TTBK1: variants seen among roughly 807,000 people sequenced by gnomAD.
TTBK1 encodes tau-tubulin kinase 1.
A neutral mutation model predicts 108.5 loss-of-function variants in TTBK1; 34 were observed. The observed-to-expected ratio is 0.31, with a 90% CI of 0.24 to 0.42. The LOEUF is 0.42. Among genes scored for constraint, TTBK1 ranks in the 10% least tolerant of loss-of-function variants. TTBK1 has a pLI of 1.00. For synonymous variants in TTBK1, 809 were observed against 795.1 expected (o/e 1.02, Z -0.29); for missense variants, 1,539 against 1,826.0 (o/e 0.84, Z 2.86).
Position 43,256,643 on chromosome 6 carries a change from G to A in TTBK1, c.861+787G>A, listed in dbSNP as rs559433112. 5.9e-5 allele frequency among the ~76,000 whole-genome samples: 9 copies of A among 152,290 alleles called. No homozygotes were observed. In the South Asian group the frequency reaches 1.9e-3, roughly 32 times the overall value. On this transcript the variant is annotated intron_variant, in intron 9 of 14. Transcript: ENST00000259750. ...AATCCCAGCTACTCAGTAGGCTAAAGTGTAAGAATCGCTTGAACTTGGGAG... is the reference window on the plus strand; with the variant it reads ...AATCCCAGCTACTCAGTAGGCTAAAATGTAAGAATCGCTTGAACTTGGGAG...
intron 2 of TTBK1, among the ~76,000 whole-genome samples, chr6:43,250,348 C>CTT (rs555371314): frequency 2.4e-3 from 210 of 89,080 alleles, no homozygotes; most frequent in African/African-American, 5.9e-3. Context: ...CCTGGCTTTG[C>CTT]TTTTTTTTTT....
chr6:43,246,481 C>G (rs563710497), intron 1 of TTBK1, 126 bp from the exon 2 acceptor site: 101 of 533,894 alleles, frequency 1.9e-4, no homozygotes, highest in Non-Finnish European at 3.3e-4. Flanking sequence ...CCCCTGGTAA[C>G]TCCTGGAGCA....
In TTBK1 at chr6:43,269,923, T is replaced by C; in HGVS notation, c.1986+6573T>C. ...ATCTCGCGGTCCCAGCTGCAGCAGG[T>C]GTGGGCCCGGTTCACCCACAAGACC... On this transcript the variant is annotated intron_variant, in intron 13 of 14. Transcript: ENST00000259750. The surrounding 1 kb of genome is among the most constrained non-coding windows in gnomAD (Gnocchi z 4.8). The C allele has an allele frequency of 6.7e-7, 1 of 1,485,538 alleles. No individual in the cohort carries two copies. The highest frequency in any genetic ancestry group is 1.4e-5 in the African/African-American group (1 of 71,062). The allele number at this position is 1,485,538 out of a possible 1,614,324, so 92.0% of individuals were successfully genotyped here.
At position 43,269,864 on chromosome 6, in the gene TTBK1, T is replaced by G. The variant is rs1777779362; in HGVS notation, c.1986+6514T>G. On this transcript the variant is annotated intron_variant, in intron 13 of 14. Transcript: ENST00000259750. The surrounding 1 kb of genome is among the most constrained non-coding windows in gnomAD (Gnocchi z 4.8). ...ACCGGCGCCACGCGCCCCTCGCTGC[T>G]GGCAACCACAGACTCATGCCCTCGG... 1 of 1,533,488 alleles carries G rather than the reference T, an allele frequency of 6.5e-7. No homozygotes were observed. Among genetic ancestry groups the G allele is most frequent in the Non-Finnish European group, 8.7e-7 (1 of 1,145,346 alleles). The allele number at this position is 1,533,488 out of a possible 1,614,324, so 95.0% of individuals were successfully genotyped here. A position where few individuals can be genotyped will look rare whatever the true frequency, so the allele number is the denominator to read the frequency against.
chr6:43,260,840 G>GTCTGGATGGGCTCCA (rs1274536405), intron 12 of TTBK1, among the ~76,000 whole-genome samples: 1 of 151,998 alleles, frequency 6.6e-6, no homozygotes, highest in Admixed American at 6.6e-5. Flanking sequence ...GGGGCACTCG[G>GTCTGGATGGGCTCCA]GAGCAGGAGA....
chr6:43,243,508 T>TGCC lies in TTBK1; in HGVS notation c.-247_-245dup, dbSNP rs1459985777. Among the ~76,000 whole-genome samples, 2 of 151,962 alleles carry TGCC rather than the reference T, an allele frequency of 1.3e-5. No homozygotes were observed. Among genetic ancestry groups the TGCC allele is most frequent in the East Asian group, 1.9e-4 (1 of 5,182 alleles). ...TGTGGGCAGCTCCCCGCTCTGCCGC[T>TGCC]GCCGCCGCCGTCGCCCAAGGAGGAT... On this transcript the variant is annotated 5_prime_UTR_variant, in exon 1 of 15. Coordinates refer to ENST00000259750, the MANE Select transcript of TTBK1 (RefSeq NM_032538.3). This position sits in a 1 kb window ranked among gnomAD's most constrained non-coding sequence, Gnocchi z 5.5.
In TTBK1 at chr6:43,283,302, C is replaced by T. The variant is rs758100943; in HGVS notation, c.2562C>T (p.Ala854=). ...MKKSPVTAEL[A]PDPDLGTLAA... Reference sequence around the variant, plus strand: ...AGTCGCCCGTCACTGCCGAACTGGCCCCCGACCCCGACCTGGGCACCCTGG... The same window carrying T: ...AGTCGCCCGTCACTGCCGAACTGGCTCCCGACCCCGACCTGGGCACCCTGG... The change falls in exon 14 of 15, where the codon GCC becomes GCT. Residue 854 remains alanine (A), a synonymous_variant. Coordinates refer to ENST00000259750, the MANE Select transcript of TTBK1 (RefSeq NM_032538.3). This position sits in a 1 kb window ranked among gnomAD's most constrained non-coding sequence, Gnocchi z 8.1. 3.7e-5 allele frequency: 59 copies of T among 1,574,654 alleles called. 1 individual carries two copies. Among genetic ancestry groups the T allele is most frequent in the Non-Finnish European group, 4.7e-5 (55 of 1,160,216 alleles).
At position 43,254,987 on chromosome 6, in the gene TTBK1, G is replaced by A. The variant is rs1777346582; in HGVS notation, c.577-62G>A. ...GTGAAGAGTTAGACTTGGTGGCAGG[G>A]TTGAGAGGTGGCTGAGGTGAGGGCA... On this transcript the variant is annotated intron_variant, in intron 6 of 14. Transcript: ENST00000259750. 3.3e-6 allele frequency: 5 copies of A among 1,513,318 alleles called. No individual in the cohort carries two copies. In the African/African-American group the frequency reaches 6.9e-5, roughly 21 times the overall value. 93.7% of individuals were successfully genotyped at this position (1,513,318 alleles called of 1,614,324 possible).
intron 13 of TTBK1, among the ~76,000 whole-genome samples, chr6:43,281,615 C>G (rs939903719): frequency 6.6e-6 from 1 of 152,102 alleles, no homozygotes; most frequent in African/African-American, 2.4e-5. Flanking sequence ...AAGAAGGATG[C>G]TTGGCAGGAC....
intron 13 of TTBK1, among the ~76,000 whole-genome samples, chr6:43,278,411 G>C (rs1293721706): frequency 6.6e-6 from 1 of 152,172 alleles, no homozygotes. Context: ...TCTCCCCACA[G>C]CCGAACCCTT....
rs773560037 is a variant in TTBK1 at position 43,246,630 on chromosome 6, C to T, written c.-31C>T. The T allele has an allele frequency of 1.3e-5, 21 of 1,565,190 alleles. No homozygotes were observed. Among genetic ancestry groups the T allele is most frequent in the East Asian group, 4.5e-5 (2 of 44,132 alleles). ...AGGTAGATGGCCCCCTCAGGGCAGGCCCGGCGGACACCCCTCCCTCTGGCT... is the reference window on the plus strand; with the variant it reads ...AGGTAGATGGCCCCCTCAGGGCAGGTCCGGCGGACACCCCTCCCTCTGGCT... On this transcript the variant is annotated 5_prime_UTR_variant, in exon 2 of 15. Coordinates refer to ENST00000259750, the MANE Select transcript of TTBK1 (RefSeq NM_032538.3).
Position 43,283,094 on chromosome 6 carries a change from G to T in TTBK1, c.2354G>T (p.Arg785Leu), listed in dbSNP as rs564104199. The change falls in exon 14 of 15, where the codon CGT becomes CTT. Residue 785 changes from arginine to leucine, a missense_variant. By Grantham distance (102) the Arg-to-Leu change is moderately radical. This residue lies in a region of TTBK1 where 1,055 missense variants were observed against 1,086.5 expected (regional missense o/e 0.97). Transcript: ENST00000259750. The surrounding 1 kb of genome is among the most constrained non-coding windows in gnomAD (Gnocchi z 8.1). The stretch of plus-strand genomic sequence containing the variant: ...GCCTTGGGGGAGGTGCTGGGGCCTC[G>T]TAGTGGCTCCAGCAGTGAGGGGAGT... ...AVALGEVLGPRSGSSSEGSER... is the reference protein window; with the variant it reads ...AVALGEVLGPLSGSSSEGSER... The T allele has an allele frequency of 6.3e-7, 1 of 1,583,774 alleles. No homozygotes were observed. Among genetic ancestry groups the T allele is most frequent in the Admixed American group, 1.8e-5 (1 of 54,914 alleles).
rs149140901 is a variant in TTBK1, at chr6:43,276,953, TG to T, written c.1987-5772del. ...AACGGGTGGGGAGGGAAGGGGTGAG[TG>T]GACTCTGGTCTCTGGGACTCAGCTC... On this transcript the variant is annotated intron_variant, in intron 13 of 14. Coordinates refer to ENST00000259750, the MANE Select transcript of TTBK1 (RefSeq NM_032538.3). This position sits in a 1 kb window ranked among gnomAD's most constrained non-coding sequence, Gnocchi z 5.4. 6.6e-3 allele frequency among the ~76,000 whole-genome samples: 998 copies of T among 151,938 alleles called. 16 individuals are homozygous for T. The highest frequency in any genetic ancestry group is 0.023 in the African/African-American group (937 of 41,430).
In TTBK1 at chr6:43,283,088, G is replaced by A; in HGVS notation, c.2348G>A (p.Gly783Glu). The A allele has an allele frequency of 1.9e-6, 3 of 1,585,368 alleles. No homozygotes were observed. Among genetic ancestry groups the A allele is most frequent in the African/African-American group, 1.3e-5 (1 of 74,452 alleles). ...GCAGTTGCCTTGGGGGAGGTGCTGG[G>A]GCCTCGTAGTGGCTCCAGCAGTGAG... The part of the protein sequence containing the change: ...AAAVALGEVL[G>E]PRSGSSSEGS... The change falls in exon 14 of 15, where the codon GGG (glycine) becomes GAG (glutamate). Residue 783 changes from glycine (G) to glutamate (E), a missense_variant. This residue lies in a region of TTBK1 where 1,055 missense variants were observed against 1,086.5 expected (regional missense o/e 0.97). Coordinates refer to ENST00000259750, the MANE Select transcript of TTBK1 (RefSeq NM_032538.3). The surrounding 1 kb of genome is among the most constrained non-coding windows in gnomAD (Gnocchi z 8.1).
intron 13 of TTBK1, chr6:43,271,261 T>G: frequency 1.0e-6 from 1 of 985,528 alleles, no homozygotes; most frequent in Non-Finnish European, 1.2e-6. Context: ...CTTGTGTGCA[T>G]GCGCGTACAC....
chr6:43,271,984 G>C (rs1417215515), intron 13 of TTBK1: 1 of 984,990 alleles, frequency 1.0e-6, no homozygotes, highest in East Asian at 1.1e-4. Flanking sequence ...AGGCAGGAGA[G>C]GGTCAAGGTG....
Position 43,246,719 on chromosome 6 carries a change from A to T in TTBK1, c.59A>T (p.Gln20Leu). The T allele has an allele frequency of 6.2e-7, 1 of 1,610,866 alleles. No homozygotes were observed. Among genetic ancestry groups the T allele is most frequent in the Non-Finnish European group, 8.5e-7 (1 of 1,178,594 alleles). Residue 20 changes from glutamine (Q) to leucine (L), a missense_variant, in exon 2 of 15, where the codon CAG becomes CTG. By Grantham distance (113) the Gln-to-Leu change is moderately radical. Coordinates refer to ENST00000259750, the MANE Select transcript of TTBK1 (RefSeq NM_032538.3). ...ACCAACATGAGTGGGGGAGGGGAGC[A>T]GGCCGACATCCTGCCGGCCAACTAC... Reference protein sequence around the residue: ...DETNMSGGGEQADILPANYVV... With the variant: ...DETNMSGGGELADILPANYVV...
In TTBK1 at chr6:43,285,463, C is replaced by A; in HGVS notation, c.*87C>A. 8.2e-7 allele frequency: 1 copy of A among 1,226,964 alleles called. No individual in the cohort carries two copies. 76.0% of individuals were successfully genotyped at this position (1,226,964 alleles called of 1,614,324 possible). On this transcript the variant is annotated 3_prime_UTR_variant, in exon 15 of 15. Transcript: ENST00000259750. The surrounding 1 kb of genome is among the most constrained non-coding windows in gnomAD (Gnocchi z 4.7). ...ACACTGGAGCAGCTCCCAGCACAGC[C>A]TTACGCGCCCGACGCGCGCCACCCG...
chr6:43,283,463 C>G lies in TTBK1; in HGVS notation c.2723C>G (p.Thr908Arg). ...PGPGAGLGAG[T>R]VTTGVGGVAV... ...CCTGGGGCAGGGCTGGGGGCCGGGACAGTGACCACAGGGGTCGGGGGCGTG... is the reference window on the plus strand; with the variant it reads ...CCTGGGGCAGGGCTGGGGGCCGGGAGAGTGACCACAGGGGTCGGGGGCGTG... The change falls in exon 14 of 15, where the codon ACA (threonine) becomes AGA (arginine). Residue 908 changes from threonine to arginine, a missense_variant. Thr to Arg is a moderately conservative substitution (Grantham distance 71). Transcript: ENST00000259750. The surrounding 1 kb of genome is among the most constrained non-coding windows in gnomAD (Gnocchi z 8.1). 1.9e-6 allele frequency: 3 copies of G among 1,614,050 alleles called. No homozygotes were observed. The highest frequency in any genetic ancestry group is 2.5e-6 in the Non-Finnish European group (3 of 1,179,956).
Sources: gnomAD v4.1 joint callset for allele counts (sites outside exome capture counted in the v4.1 genomes callset) on GRCh38, gnomAD v4.1.1 for gene constraint, gnomAD v4.1.1 regional missense constraint, Gnocchi (gnomAD v3.1) non-coding constraint, MANE v1.5 for transcripts, NCBI Gene and HGNC (gene_info 2026-07-23, HGNC 2026-07-21) for gene names.